The following ZNRF1 variants were observed in gnomAD, a reference collection of about 807,000 sequenced individuals.
The protein encoded by ZNRF1 is E3 ubiquitin-protein ligase ZNRF1.
Under a neutral mutation model 18.4 loss-of-function variants are expected in ZNRF1, and 3 were observed. That is an observed-to-expected ratio of 0.16 (90% CI 0.07 to 0.42). The LOEUF is 0.42. Ranked by LOEUF, ZNRF1 falls within the 10% of genes least tolerant of loss-of-function variation. The probability of loss-of-function intolerance (pLI) is 0.99; values close to 1 mark genes in which losing one functional copy is unlikely to be tolerated. For synonymous variants in ZNRF1, 157 were observed against 144.2 expected (o/e 1.09, Z -0.64); for missense variants, 310 against 329.8 (o/e 0.94, Z 0.47).
At chr16:75,037,585 A>G (rs2035391997) in intron 1 of ZNRF1, among the ~76,000 whole-genome samples, 1 of 152,036 alleles carries the variant, frequency 6.6e-6, no homozygotes, top group African/African-American at 2.4e-5. Flanking sequence ...GTGATCTGCC[A>G]CCTAGGCCTC....
chr16:75,087,253 G>A (rs1383854061), intron 1 of ZNRF1, among the ~76,000 whole-genome samples: 1 of 152,192 alleles, frequency 6.6e-6, no homozygotes, highest in African/African-American at 2.4e-5. Context: ...GACCACATCA[G>A]CATTCCTGGG....
chr16:75,091,673 C>T (rs2036141537), intron 1 of ZNRF1, among the ~76,000 whole-genome samples: 1 of 151,772 alleles, frequency 6.6e-6, no homozygotes. Flanking sequence ...GCTAGGACTA[C>T]AGGCACACAC....
At chr16:75,016,141 T>A (rs1007865184) in intron 1 of ZNRF1, among the ~76,000 whole-genome samples, 3 of 151,814 alleles carry the variant, frequency 2.0e-5, no homozygotes, top group African/African-American at 7.3e-5. Flanking sequence ...AGGATGGTCT[T>A]GATCTCCTGA....
At position 75,067,383 on chromosome 16, in the gene ZNRF1, C is replaced by G. The variant is rs573806855; in HGVS notation, c.425-26189C>G. Among the ~76,000 whole-genome samples the G allele has an allele frequency of 5.9e-5, 9 of 152,288 alleles. No homozygotes were observed. The East Asian group carries it at 1.7e-3, about 29-fold the overall frequency. On this transcript the variant is annotated intron_variant, in intron 1 of 4. Transcript: ENST00000335325. ...TCTCGATAGAGGAGTGTTAATATCACTTTGTAAGAAGGTCATGTGGGATGA... is the reference window on the plus strand; with the variant it reads ...TCTCGATAGAGGAGTGTTAATATCAGTTTGTAAGAAGGTCATGTGGGATGA...
intron 1 of ZNRF1, among the ~76,000 whole-genome samples, chr16:75,002,025 C>T (rs996878255): frequency 2.0e-5 from 3 of 152,138 alleles, no homozygotes; most frequent in Non-Finnish European, 4.4e-5. Context: ...CCATTCCTTA[C>T]TGTGTAGGAC....
intron 1 of ZNRF1, among the ~76,000 whole-genome samples, chr16:75,083,411 C>G (rs1162783654): frequency 1.3e-5 from 2 of 152,194 alleles, no homozygotes; most frequent in Non-Finnish European, 2.9e-5. Context: ...TAGTCTGATT[C>G]TCTTTCTTCC....
rs1056721665 is a variant in ZNRF1, at chr16:75,108,153, G to A, written c.*453G>A. ...CGCTGCCAGCCTTCTGACGGCGGGC[G>A]AGCACACGGTCTCTTCCCCTGCCCC... On this transcript the variant is annotated 3_prime_UTR_variant, in exon 5 of 5. Transcript: ENST00000335325. The A allele has an allele frequency of 4.8e-5, 9 of 189,330 alleles. No individual in the cohort carries two copies. Among genetic ancestry groups the A allele is most frequent in the African/African-American group, 1.4e-4 (6 of 41,818 alleles). The allele number at this position is 189,330 out of a possible 1,614,324, so 11.7% of individuals were successfully genotyped here.
rs114327032 is a variant in ZNRF1, at chr16:75,092,600, A to G, written c.425-972A>G. Among the ~76,000 whole-genome samples the G allele has an allele frequency of 1.7e-3, 262 of 152,380 alleles. 1 individual carries two copies. Among genetic ancestry groups the G allele is most frequent in the African/African-American group, 6.1e-3 (255 of 41,592 alleles). On this transcript the variant is annotated intron_variant, in intron 1 of 4. Coordinates refer to ENST00000335325, the MANE Select transcript of ZNRF1 (RefSeq NM_032268.5). Reference sequence around the variant, plus strand: ...ATAATTCATCTGTGTTGTATGGACAAATGGATCAGGGGATTAGGTTTGCTT... The same window carrying G: ...ATAATTCATCTGTGTTGTATGGACAGATGGATCAGGGGATTAGGTTTGCTT...
At chr16:75,053,394 G>C (rs1346236675) in intron 1 of ZNRF1, among the ~76,000 whole-genome samples, 1 of 151,932 alleles carries the variant, frequency 6.6e-6, no homozygotes, top group Non-Finnish European at 1.5e-5. Flanking sequence ...TTCAAGACTA[G>C]CCTGGCCAAC....
intron 1 of ZNRF1, among the ~76,000 whole-genome samples, chr16:75,029,201 C>T (rs962979158): frequency 2.6e-5 from 4 of 151,728 alleles, no homozygotes; most frequent in Non-Finnish European, 5.9e-5. Flanking sequence ...GGCTGGAGTG[C>T]AGTGGCGCCA....
At chr16:75,021,216 T>G (rs947805467) in intron 1 of ZNRF1, among the ~76,000 whole-genome samples, 1 of 152,016 alleles carries the variant, frequency 6.6e-6, no homozygotes, top group Non-Finnish European at 1.5e-5. Context: ...AATTTCTGTG[T>G]TTTTAGTAGA....
At chr16:75,098,446 C>T (rs895910633) in intron 2 of ZNRF1, among the ~76,000 whole-genome samples, 4 of 152,202 alleles carry the variant, frequency 2.6e-5, no homozygotes, top group Admixed American at 2.0e-4. Context: ...AAGGGCTGGG[C>T]AGTTGGATGG....
At chr16:75,104,704 G>A in intron 2 of ZNRF1, 80 bp from the exon 3 acceptor site, 1 of 1,293,650 alleles carries the variant, frequency 7.7e-7, no homozygotes, top group Non-Finnish European at 1.1e-6. Context: ...CAGTCCCCTA[G>A]TTCCTAGGCC....
chr16:75,028,318 G>A (rs1168716712), intron 1 of ZNRF1, among the ~76,000 whole-genome samples: 1 of 152,038 alleles, frequency 6.6e-6, no homozygotes, highest in Non-Finnish European at 1.5e-5. Context: ...TTTTTGAGAC[G>A]GAGTTTCACT....
chr16:75,067,182 C>G (rs1307086522), intron 1 of ZNRF1, among the ~76,000 whole-genome samples: 1 of 152,202 alleles, frequency 6.6e-6, no homozygotes, highest in Non-Finnish European at 1.5e-5. Flanking sequence ...TTCTGGGTTA[C>G]TGCACTAAGT....
intron 1 of ZNRF1, among the ~76,000 whole-genome samples, chr16:75,045,987 C>T (rs1301496058): frequency 2.6e-5 from 4 of 152,046 alleles, no homozygotes; most frequent in Admixed American, 6.6e-5. Flanking sequence ...ATTGCAATCT[C>T]CACCTCCTGG....
In ZNRF1 at chr16:75,108,623, G is replaced by C. The variant is rs750463193; in HGVS notation, c.*923G>C. 1 of 398,674 alleles carries C rather than the reference G, an allele frequency of 2.5e-6. No homozygotes were observed. Among genetic ancestry groups the C allele is most frequent in the Non-Finnish European group, 4.4e-6 (1 of 226,014 alleles). 24.7% of individuals were successfully genotyped at this position (398,674 alleles called of 1,614,324 possible). On this transcript the variant is annotated 3_prime_UTR_variant, in exon 5 of 5. Coordinates refer to ENST00000335325, the MANE Select transcript of ZNRF1 (RefSeq NM_032268.5). ...AAATACAAAAAAAAACTTATAAAAT[G>C]TTTAAAAAAATGTTCAAAGCTTGGG...
intron 1 of ZNRF1, among the ~76,000 whole-genome samples, chr16:75,076,728 A>C (rs919370783): frequency 6.6e-6 from 1 of 150,606 alleles, no homozygotes; most frequent in Non-Finnish European, 1.5e-5. Flanking sequence ...TTGAAGCCTA[A>C]TCCCTAATGT....
intron 1 of ZNRF1, among the ~76,000 whole-genome samples, chr16:75,083,819 A>T (rs1019184263): frequency 6.6e-6 from 1 of 152,108 alleles, no homozygotes; most frequent in South Asian, 2.1e-4. Context: ...AGAGATAAGG[A>T]CCTGGAAGAT....
Sources: allele counts gnomAD v4.1 joint callset (sites outside exome capture counted in the v4.1 genomes callset), GRCh38; gene constraint gnomAD v4.1.1; transcripts MANE v1.5; gene names NCBI Gene and HGNC (gene_info 2026-07-23, HGNC 2026-07-21).